The following TNK2 variants were observed in gnomAD, a reference collection of about 807,000 sequenced individuals.
TNK2 encodes the protein activated CDC42 kinase 1.
In TNK2, 83 loss-of-function variants were observed where a neutral mutation model predicts 101.8. That is an observed-to-expected ratio of 0.82 (90% CI 0.68 to 0.98). The LOEUF (loss-of-function observed/expected upper bound fraction) is 0.98. Among genes scored for constraint, TNK2 ranks in the 50% least tolerant of loss-of-function variants. The pLI is 0.00. For missense variants in TNK2, 1,665 were observed against 1,483.2 expected, an observed-to-expected ratio of 1.12 and a Z score of -2.01; for synonymous variants, 804 against 633.0, an observed-to-expected ratio of 1.27 and a Z score of -4.06.
chr3:195,868,340 A>G lies in TNK2; in HGVS notation c.1958T>C (p.Val653Ala), dbSNP rs1420478659. 1 of 1,600,600 alleles carries G rather than the reference A, an allele frequency of 6.2e-7. No individual in the cohort carries two copies. The highest frequency in any genetic ancestry group is 8.5e-7 in the Non-Finnish European group (1 of 1,178,446). Residue 653 changes from valine to alanine, a missense_variant, in exon 13 of 16, where the codon GTG becomes GCG. Around this residue, in one of 3 missense-constraint regions of TNK2, gnomAD observed 1,136 missense variants for 894.9 expected, o/e 1.27. Coordinates refer to ENST00000672887, the MANE Select transcript of TNK2 (RefSeq NM_001382273.1). ...CTCAAAGTCATCCTCATCCTGGGCC[A>G]CGTCGTCATAGGCGGGCGGGGGGGG... ...PLPPPPAYDD[V>A]AQDEDDFEIC...
chr3:195,885,766 G>C lies in TNK2; in HGVS notation c.235-733C>G. 2 of 394,498 alleles carry C rather than the reference G, an allele frequency of 5.1e-6. No individual in the cohort carries two copies. The highest frequency in any genetic ancestry group is 4.1e-5 in the South Asian group (2 of 49,142). 24.4% of individuals were successfully genotyped at this position (394,498 alleles called of 1,614,324 possible). ...CAAGGGACAGAAGAAAGGAGGCCAT[G>C]AGGGTCAAAGCTGGCCACGTCGGTC... is the stretch of plus-strand genomic sequence containing the variant. On this transcript the variant is annotated intron_variant, in intron 3 of 15. Coordinates refer to ENST00000672887, the MANE Select transcript of TNK2 (RefSeq NM_001382273.1). This position sits in a 1 kb window ranked among gnomAD's most constrained non-coding sequence, Gnocchi z 4.7.
At chr3:195,897,916 C>T (rs1418655538) in intron 1 of TNK2, among the ~76,000 whole-genome samples, 2 of 150,194 alleles carry the variant, frequency 1.3e-5, no homozygotes, top group East Asian at 3.9e-4. Context: ...TGCTGTGCTC[C>T]CTGGGGTCAC....
chr3:195,870,007 C>T (rs1018042613), intron 11 of TNK2, 107 bp downstream of exon 11: 21 of 884,558 alleles, frequency 2.4e-5, no homozygotes, highest in Non-Finnish European at 3.4e-5. Flanking sequence ...GCCCTGACCC[C>T]ACTGTCCCCA....
At chr3:195,894,069 C>T (rs976910384) in intron 1 of TNK2, among the ~76,000 whole-genome samples, 4 of 152,188 alleles carry the variant, frequency 2.6e-5, no homozygotes, top group African/African-American at 4.8e-5. Flanking sequence ...ATCAGGCCTG[C>T]GTTACACTGG....
intron 1 of TNK2, among the ~76,000 whole-genome samples, chr3:195,906,970 C>T (rs1326683652): frequency 1.3e-5 from 2 of 152,034 alleles, no homozygotes; most frequent in Non-Finnish European, 2.9e-5. Context: ...CCTGGCCCAC[C>T]GCAGACACCA....
intron 12 of TNK2, chr3:195,868,990 CGCTGCCTCCACCA>C (rs1742878260): frequency 4.0e-6 from 2 of 503,304 alleles, no homozygotes; most frequent in Non-Finnish European, 7.0e-6. Flanking sequence ...TCCTGCCTGA[CGCTGCCTCCACCA>C]GCACAAGACC....
chr3:195,878,583 T>C lies in TNK2; in HGVS notation c.1024A>G (p.Lys342Glu), dbSNP rs200412744. Residue 342 changes from lysine to glutamate, a missense_variant, in exon 8 of 16, where the codon AAG becomes GAG. By Grantham distance (56) the Lys-to-Glu change is moderately conservative. Coordinates refer to ENST00000672887, the MANE Select transcript of TNK2 (RefSeq NM_001382273.1). This position sits in a 1 kb window ranked among gnomAD's most constrained non-coding sequence, Gnocchi z 4.7. ...IGLNGSQILH[K>E]IDKEGERLPR... Reference sequence around the variant, plus strand: ...AGCCGCTCCCCCTCCTTGTCGATCTTATGCAGGATCTGAAGGTGAGGAGGT... The same window carrying C: ...AGCCGCTCCCCCTCCTTGTCGATCTCATGCAGGATCTGAAGGTGAGGAGGT... The C allele has an allele frequency of 7.4e-6, 12 of 1,612,858 alleles. No individual in the cohort carries two copies. The Admixed American group carries it at 1.5e-4, about 20-fold the overall frequency.
In TNK2 at chr3:195,872,577, G is replaced by C. The variant is rs1746203776; in HGVS notation, c.1257-107C>G. 7 of 1,218,178 alleles carry C rather than the reference G, an allele frequency of 5.7e-6. No individual in the cohort carries two copies. In the African/African-American group the frequency reaches 7.6e-5, roughly 13 times the overall value. The allele number at this position is 1,218,178 out of a possible 1,614,324, so 75.5% of individuals were successfully genotyped here. A position where few individuals can be genotyped will look rare whatever the true frequency, so the allele number is the denominator to read the frequency against. ...TGTGGCAGAAGGGGGATGGAGCTCAGGCCTCAGGACCAGGCTGTGTGCCAC... is the reference window on the plus strand; with the variant it reads ...TGTGGCAGAAGGGGGATGGAGCTCACGCCTCAGGACCAGGCTGTGTGCCAC... On this transcript the variant is annotated intron_variant, in intron 9 of 15. Transcript: ENST00000672887.
chr3:195,907,131 T>C (rs1174430506), intron 1 of TNK2, among the ~76,000 whole-genome samples: 1 of 152,062 alleles, frequency 6.6e-6, no homozygotes, highest in Non-Finnish European at 1.5e-5. Flanking sequence ...AATAAGTAGG[T>C]GAAGATTGTG....
Position 195,885,188 on chromosome 3 carries a change from C to T in TNK2, c.235-155G>A. 2.0e-6 allele frequency: 2 copies of T among 1,005,032 alleles called. No homozygotes were observed. Among genetic ancestry groups the T allele is most frequent in the Non-Finnish European group, 2.9e-6 (2 of 698,764 alleles). 62.3% of individuals were successfully genotyped at this position (1,005,032 alleles called of 1,614,324 possible). A position where few individuals can be genotyped will look rare whatever the true frequency, so the allele number is the denominator to read the frequency against. On this transcript the variant is annotated intron_variant, in intron 3 of 15. Coordinates refer to ENST00000672887, the MANE Select transcript of TNK2 (RefSeq NM_001382273.1). The surrounding 1 kb of genome is among the most constrained non-coding windows in gnomAD (Gnocchi z 4.7). ...TCAGTGGGGCAGCCTGGCTGGAGGC[C>T]CACACTCCGTCCAGGGCACACCCCC...
At position 195,885,330 on chromosome 3, in the gene TNK2, G is replaced by T; in HGVS notation, c.235-297C>A. ...CAGCTGTGTGGAGAGGGAGGGCACC[G>T]CCCAGCCAAGGTCGGAGTCTCCTCC... On this transcript the variant is annotated intron_variant, in intron 3 of 15. Transcript: ENST00000672887. This position sits in a 1 kb window ranked among gnomAD's most constrained non-coding sequence, Gnocchi z 4.7. 7.2e-7 allele frequency: 1 copy of T among 1,384,190 alleles called. No individual in the cohort carries two copies. Among genetic ancestry groups the T allele is most frequent in the Admixed American group, 2.5e-5 (1 of 39,296 alleles). The allele number at this position is 1,384,190 out of a possible 1,614,324, so 85.7% of individuals were successfully genotyped here.
rs1757146329 is a variant in TNK2 at position 195,888,650 on chromosome 3, C to A, written c.-18-44G>T. 6.4e-7 allele frequency: 1 copy of A among 1,550,940 alleles called. No individual in the cohort carries two copies. Among genetic ancestry groups the A allele is most frequent in the Non-Finnish European group, 8.7e-7 (1 of 1,145,764 alleles). ...CTCAGGGACAAGGGTTGTGGGGGGA[C>A]AACAGGGGCCTGCCCGAGTGACCTG... On this transcript the variant is annotated intron_variant, in intron 1 of 15. Transcript: ENST00000672887. This position sits in a 1 kb window ranked among gnomAD's most constrained non-coding sequence, Gnocchi z 5.3.
intron 1 of TNK2, among the ~76,000 whole-genome samples, chr3:195,899,489 G>A (rs1760988206): frequency 6.6e-6 from 1 of 152,024 alleles, no homozygotes; most frequent in Admixed American, 6.6e-5. Flanking sequence ...ACCACGCCCA[G>A]CTAATTTTTA....
intron 2 of TNK2, among the ~76,000 whole-genome samples, chr3:195,887,955 CGTGTGTGTGTGTGT>C (rs58113480): frequency 3.4e-5 from 5 of 148,074 alleles, no homozygotes; most frequent in Admixed American, 6.7e-5. Flanking sequence ...TGTGTGCCTG[CGTGTGTGTGTGTGT>C]GTGTGTATGC....
At chr3:195,876,343 A>G in intron 9 of TNK2, 1 of 451,518 alleles carries the variant, frequency 2.2e-6, no homozygotes, top group South Asian at 1.6e-5. Flanking sequence ...CAAATACTGG[A>G]CACAGCTTCG....
At chr3:195,898,823 G>A (rs1038742973) in intron 1 of TNK2, among the ~76,000 whole-genome samples, 10 of 152,284 alleles carry the variant, frequency 6.6e-5, no homozygotes, top group East Asian at 1.9e-4. Flanking sequence ...GGCTGGGCCC[G>A]GTGGCTCACG....
Position 195,885,398 on chromosome 3 carries a change from G to A in TNK2, c.235-365C>T, listed in dbSNP as rs1055255773. The A allele has an allele frequency of 1.5e-6, 2 of 1,341,734 alleles. No individual in the cohort carries two copies. Among genetic ancestry groups the A allele is most frequent in the Non-Finnish European group, 9.8e-7 (1 of 1,023,188 alleles). The allele number at this position is 1,341,734 out of a possible 1,614,324, so 83.1% of individuals were successfully genotyped here. On this transcript the variant is annotated intron_variant, in intron 3 of 15. Transcript: ENST00000672887. The surrounding 1 kb of genome is among the most constrained non-coding windows in gnomAD (Gnocchi z 4.7). ...CCCTTCCTGCACCCGCCACCCCGCA[G>A]ACTCCAGCCCTAACCCGCATCGATG...
intron 1 of TNK2, among the ~76,000 whole-genome samples, chr3:195,899,638 T>C (rs1235437237): frequency 6.6e-6 from 1 of 152,212 alleles, no homozygotes; most frequent in African/African-American, 2.4e-5. Flanking sequence ...CCAAGAATTT[T>C]AAAAAGTTTA....
In TNK2 at chr3:195,868,397, G is replaced by C; in HGVS notation, c.1901C>G (p.Thr634Arg). 6.3e-7 allele frequency: 1 copy of C among 1,587,340 alleles called. No homozygotes were observed. The change falls in exon 13 of 16, where the codon ACG (threonine) becomes AGG (arginine). Residue 634 changes from threonine (T) to arginine (R), a missense_variant. By Grantham distance (71) the Thr-to-Arg change is moderately conservative (BLOSUM62 -1). Around this residue, in one of 3 missense-constraint regions of TNK2, gnomAD observed 1,136 missense variants for 894.9 expected, o/e 1.27. Coordinates refer to ENST00000672887, the MANE Select transcript of TNK2 (RefSeq NM_001382273.1). ...TRALPRPLHP[T>R]PVVDWDARPL... is the part of the protein sequence containing the mutation. ...GCGTGCGTCCCAGTCCACCACAGGC[G>C]TGGGGTGCAGGGGCCGGGGCAGTGC...
Sources: allele counts gnomAD v4.1 joint callset (sites outside exome capture counted in the v4.1 genomes callset), GRCh38; gene constraint gnomAD v4.1.1; regional missense constraint gnomAD v4.1.1; non-coding constraint Gnocchi (gnomAD v3.1); transcripts MANE v1.5; gene names NCBI Gene and HGNC (gene_info 2026-07-23, HGNC 2026-07-21).